Variants in AKAP19 observed in about 807,000 individuals in gnomAD.
AKAP19 encodes the protein small A-kinase anchoring protein.
chr2:190,031,122 A>ACAGGAGGATGGGTACTTTAGG, the AKAP19 span, among the ~76,000 whole-genome samples: 10 of 152,194 alleles, frequency 6.6e-5, no homozygotes, highest in Admixed American at 6.5e-4. Flanking sequence ...CAGCCAGGTG[A>ACAGGAGGATGGGTACTTTAGG]CAGGAGGATG....
At chr2:189,994,255 A>G in the AKAP19 span, among the ~76,000 whole-genome samples, 3 of 149,582 alleles carry the variant, frequency 2.0e-5, no homozygotes, top group East Asian at 5.9e-4. Context: ...CAGGTGATCC[A>G]CCTCCCTCGG....
the AKAP19 span, among the ~76,000 whole-genome samples, chr2:190,017,845 G>A: frequency 1.8e-4 from 27 of 152,218 alleles, no homozygotes; most frequent in South Asian, 3.1e-3. Context: ...CAGGCTTAGC[G>A]GTGATGTACT....
the AKAP19 span, among the ~76,000 whole-genome samples, chr2:190,012,523 A>G: frequency 6.6e-6 from 1 of 152,178 alleles, no homozygotes; most frequent in Non-Finnish European, 1.5e-5. Flanking sequence ...TGATGGAGCT[A>G]TTAGGGTTTT....
the AKAP19 span, among the ~76,000 whole-genome samples, chr2:190,041,895 ATG>A: frequency 6.6e-6 from 1 of 152,094 alleles, no homozygotes; most frequent in African/African-American, 2.4e-5. Context: ...TAGCTATTTG[ATG>A]TGCTGCTGGA....
the AKAP19 span, among the ~76,000 whole-genome samples, chr2:190,080,506 A>T: frequency 6.6e-6 from 1 of 152,210 alleles, no homozygotes; most frequent in East Asian, 1.9e-4. Flanking sequence ...GGAGTTTGCC[A>T]GGTGAATGAG....
the AKAP19 span, among the ~76,000 whole-genome samples, chr2:190,078,068 C>CCTCTAGAG: frequency 3.3e-5 from 5 of 152,100 alleles, no homozygotes; most frequent in Admixed American, 3.3e-4. Flanking sequence ...TTCAAGGGGA[C>CCTCTAGAG]CTCTAGAGCC....
At chr2:189,930,462 A>AAAT in the AKAP19 span, 1 of 213,128 alleles carries the variant, frequency 4.7e-6, no homozygotes, top group Non-Finnish European at 9.5e-6. Flanking sequence ...GCGAATCACG[A>AAAT]GGTCAAGAAA....
At chr2:190,140,102 C>A in the AKAP19 span, among the ~76,000 whole-genome samples, 2 of 152,184 alleles carry the variant, frequency 1.3e-5, no homozygotes, top group Non-Finnish European at 1.5e-5. Flanking sequence ...TCTTAAAGCT[C>A]TAAAATGATC....
At chr2:190,133,235 CAAAAAAA>C in the AKAP19 span, among the ~76,000 whole-genome samples, 2 of 58,110 alleles carry the variant, frequency 3.4e-5, no homozygotes, top group Admixed American at 2.5e-4. Context: ...GAGACTCTGC[CAAAAAAA>C]AAAAAAAAAA....
the AKAP19 span, among the ~76,000 whole-genome samples, chr2:189,916,569 G>T: frequency 6.6e-6 from 1 of 151,960 alleles, no homozygotes; most frequent in Non-Finnish European, 1.5e-5. Flanking sequence ...TGATCCACCC[G>T]CCTCGGCCTC....
the AKAP19 span, among the ~76,000 whole-genome samples, chr2:189,916,116 G>T: frequency 1.3e-5 from 2 of 151,746 alleles, no homozygotes; most frequent in African/African-American, 4.8e-5. Context: ...CTTTTACTTT[G>T]GGATATTTGT....
At chr2:189,970,113 T>C in the AKAP19 span, among the ~76,000 whole-genome samples, 1 of 152,084 alleles carries the variant, frequency 6.6e-6, no homozygotes, top group African/African-American at 2.4e-5. Flanking sequence ...GAGATCCACT[T>C]GCCTTGGCCT....
chr2:190,122,452 T>C, the AKAP19 span, among the ~76,000 whole-genome samples: 1 of 152,234 alleles, frequency 6.6e-6, no homozygotes, highest in African/African-American at 2.4e-5. Flanking sequence ...CACTGTAGTT[T>C]ATCTTCTCAC....
the AKAP19 span, chr2:190,163,945 AGAAAGG>A: frequency 1.3e-5 from 2 of 152,202 alleles, no homozygotes; most frequent in Non-Finnish European, 2.9e-5. Context: ...GCCTCCATTT[AGAAAGG>A]GAGCATGAGA....
the AKAP19 span, among the ~76,000 whole-genome samples, chr2:190,043,739 G>A: frequency 1.3e-5 from 2 of 152,186 alleles, no homozygotes; most frequent in Non-Finnish European, 2.9e-5. Context: ...GAGAACTGGT[G>A]CAGTCGTTTG....
At chr2:189,944,857 T>C in the AKAP19 span, among the ~76,000 whole-genome samples, 4 of 152,252 alleles carry the variant, frequency 2.6e-5, no homozygotes, top group South Asian at 8.3e-4. Context: ...TAAAACAATC[T>C]CAACAAATTC....
the AKAP19 span, among the ~76,000 whole-genome samples, chr2:190,050,144 C>T: frequency 6.6e-6 from 1 of 152,158 alleles, no homozygotes; most frequent in Non-Finnish European, 1.5e-5. Flanking sequence ...CTCTGCTGTG[C>T]AATGTAGACA....
the AKAP19 span, among the ~76,000 whole-genome samples, chr2:190,046,074 C>T: frequency 2.0e-5 from 3 of 152,146 alleles, no homozygotes; most frequent in Non-Finnish European, 4.4e-5. Flanking sequence ...CCCGGGTGGC[C>T]GATTGTCCTG....
the AKAP19 span, among the ~76,000 whole-genome samples, chr2:189,893,833 A>G: frequency 6.6e-6 from 1 of 152,098 alleles, no homozygotes; most frequent in Non-Finnish European, 1.5e-5. Context: ...ATATGAAAAT[A>G]CTCTGCCATT....
Sources: gnomAD v4.1 joint callset for allele counts (sites outside exome capture counted in the v4.1 genomes callset) on GRCh38, gnomAD v4.1.1 for gene constraint, MANE v1.5 for transcripts, NCBI Gene and HGNC (gene_info 2026-07-23, HGNC 2026-07-21) for gene names.